The following ZNF599 variants were observed in gnomAD, a reference collection of about 807,000 sequenced individuals.
ZNF599 encodes zinc finger protein 599.
Under a neutral mutation model 11.7 loss-of-function variants are expected in ZNF599, and 10 were observed. The ratio of observed to expected loss-of-function variants is 0.86; its 90% confidence interval spans 0.53 to 1.45. ZNF599 has a LOEUF of 1.45. Ranked by LOEUF, ZNF599 falls within the 40% of genes most tolerant of loss-of-function variation. The probability of loss-of-function intolerance (pLI) is 0.00; values close to 1 mark genes in which losing one functional copy is unlikely to be tolerated. For missense variants in ZNF599, 688 were observed against 713.6 expected (o/e 0.96, Z 0.41); for synonymous variants, 232 against 253.2 (o/e 0.92, Z 0.79).
the ZNF599 span, among the ~76,000 whole-genome samples, chr19:34,778,944 CATGAGTCTTTACAGAAA>C: frequency 1.3e-5 from 2 of 152,170 alleles, no homozygotes; most frequent in Non-Finnish European, 2.9e-5. Flanking sequence ...TTTCCCAAAT[CATGAGTCTTTACAGAAA>C]TGTAAGATAC....
intron 3 of ZNF599, chr19:34,765,779 G>A: frequency 1.5e-6 from 1 of 670,794 alleles, no homozygotes. Flanking sequence ...GAACATGTGA[G>A]TGGATGCAGA....
chr19:34,759,877 T>C lies in ZNF599; in HGVS notation c.924A>G (p.Glu308=), dbSNP rs1298590164. The C allele has an allele frequency of 3.7e-6, 6 of 1,614,108 alleles. No individual in the cohort carries two copies. The highest frequency in any genetic ancestry group is 5.1e-6 in the Non-Finnish European group (6 of 1,180,002). Residue 308 remains glutamate (E), a synonymous_variant, in exon 4 of 4, where the codon GAA becomes GAG. Coordinates refer to ENST00000329285, the MANE Select transcript of ZNF599 (RefSeq NM_001007248.3). ...CACATTCTTTGCATAAAAAGGGTTT[T>C]TCTCGAGTGTGAGTCATATTATGCT... is the stretch of plus-strand genomic sequence containing the variant. ...FIQHNMTHTR[E]KPFLCKECGK... is the part of the protein sequence containing the mutation.
the ZNF599 span, among the ~76,000 whole-genome samples, chr19:34,780,182 G>T: frequency 1.3e-5 from 2 of 152,100 alleles, no homozygotes; most frequent in Non-Finnish European, 2.9e-5. Flanking sequence ...TGTGTTATTT[G>T]GTATCCAGCC....
rs1600154603 is a variant in ZNF599, at chr19:34,760,043, T to C, written c.758A>G (p.Lys253Arg). The change falls in exon 4 of 4, where the codon AAA becomes AGA. Residue 253 changes from lysine to arginine, a missense_variant. By Grantham distance (26) the Lys-to-Arg change is conservative (BLOSUM62 2). Transcript: ENST00000329285. ...IRHMRLHTGE[K>R]PYKCIECGKA... ...CCCACACTCAATACACTTGTATGGTTTTTCCCCAGTATGAAGCCTCATATG... is the reference window on the plus strand; with the variant it reads ...CCCACACTCAATACACTTGTATGGTCTTTCCCCAGTATGAAGCCTCATATG... 2 of 1,614,072 alleles carry C rather than the reference T, an allele frequency of 1.2e-6. No homozygotes were observed. Among genetic ancestry groups the C allele is most frequent in the East Asian group, 2.2e-5 (1 of 44,882 alleles).
rs536715534 is a variant in ZNF599 at position 34,767,934 on chromosome 19, A to G, written c.146-523T>C. Among the ~76,000 whole-genome samples, 8 of 152,328 alleles carry G rather than the reference A, an allele frequency of 5.3e-5. No individual in the cohort carries two copies. The East Asian group carries it at 1.4e-3, about 26-fold the overall frequency. On this transcript the variant is annotated intron_variant, in intron 2 of 3. Coordinates refer to ENST00000329285, the MANE Select transcript of ZNF599 (RefSeq NM_001007248.3). ...AGCACCTCAGGGCTTCTCATTAGGTAAAGTAAGAAATTATTTTCAGGGTGA... is the reference window on the plus strand; with the variant it reads ...AGCACCTCAGGGCTTCTCATTAGGTGAAGTAAGAAATTATTTTCAGGGTGA...
At chr19:34,807,568 C>G in the ZNF599 span, among the ~76,000 whole-genome samples, 3 of 152,230 alleles carry the variant, frequency 2.0e-5, no homozygotes, top group African/African-American at 7.2e-5. Flanking sequence ...AAAACAGCTG[C>G]AAGGCAGCCA....
the ZNF599 span, among the ~76,000 whole-genome samples, chr19:34,792,618 C>T: frequency 2.6e-5 from 4 of 152,148 alleles, no homozygotes; most frequent in Non-Finnish European, 5.9e-5. Flanking sequence ...AATCCCAGCA[C>T]TTTGGGAGGC....
At chr19:34,767,158 A>C in intron 3 of ZNF599, 158 bp downstream of exon 3, 1 of 601,270 alleles carries the variant, frequency 1.7e-6, no homozygotes, top group Non-Finnish European at 3.0e-6. Context: ...AAAGGCAAAG[A>C]GTGTGTGACA....
the ZNF599 span, among the ~76,000 whole-genome samples, chr19:34,785,826 T>G: frequency 6.6e-6 from 1 of 152,140 alleles, no homozygotes; most frequent in African/African-American, 2.4e-5. Flanking sequence ...GAACAATATT[T>G]CCCAGGGCCA....
In ZNF599 at chr19:34,772,366, C is replaced by T. The variant is rs2069188437; in HGVS notation, c.18+458G>A. The T allele has an allele frequency of 3.0e-6, 3 of 996,264 alleles. No homozygotes were observed. In the South Asian group the frequency reaches 1.4e-4, roughly 46 times the overall value. 61.7% of individuals were successfully genotyped at this position (996,264 alleles called of 1,614,324 possible). ...GCCCTCGAGGCTCTCATTCCCTCTCCCAGCTTTTGGTAGGGCCAGACTTCC... is the reference window on the plus strand; with the variant it reads ...GCCCTCGAGGCTCTCATTCCCTCTCTCAGCTTTTGGTAGGGCCAGACTTCC... On this transcript the variant is annotated intron_variant, in intron 1 of 3. Coordinates refer to ENST00000329285, the MANE Select transcript of ZNF599 (RefSeq NM_001007248.3).
the ZNF599 span, among the ~76,000 whole-genome samples, chr19:34,806,708 C>A: frequency 6.6e-6 from 1 of 152,106 alleles, no homozygotes; most frequent in African/African-American, 2.4e-5. Flanking sequence ...ATGCTAACAC[C>A]ATTTCCTGAA....
intron 3 of ZNF599, among the ~76,000 whole-genome samples, chr19:34,766,287 C>T (rs7257305): frequency 0.12 from 18,645 of 152,118 alleles, 1,244 homozygotes; most frequent in Middle Eastern, 0.21. Flanking sequence ...CAAAGGCAAT[C>T]ATCACCTTGA....
chr19:34,769,744 T>C (rs1055395254), intron 1 of ZNF599, among the ~76,000 whole-genome samples, 189 bp from the exon 2 acceptor site: 1 of 152,240 alleles, frequency 6.6e-6, no homozygotes, highest in South Asian at 2.1e-4. Flanking sequence ...AAGCCTCCTA[T>C]GTTGGAAACC....
chr19:34,790,280 C>T, the ZNF599 span, among the ~76,000 whole-genome samples: 1 of 152,320 alleles, frequency 6.6e-6, no homozygotes, highest in East Asian at 1.9e-4. Flanking sequence ...TGTACCCGCA[C>T]TGTCATGATC....
At position 34,760,493 on chromosome 19, in the gene ZNF599, G is replaced by A. The variant is rs753758437; in HGVS notation, c.308C>T (p.Ser103Phe). ...TCTCTGTGCCAGAAGTTCCTGGAAA[G>A]AGGATTCCTCAGAGAAGGCCAGCTG... is the stretch of plus-strand genomic sequence containing the variant. Reference protein sequence around the residue: ...ASQLAFSEESSFQELLAQRSS... With the variant: ...ASQLAFSEESFFQELLAQRSS... The change falls in exon 4 of 4, where the codon TCT becomes TTT. Residue 103 changes from serine to phenylalanine, a missense_variant. By Grantham distance (155) the Ser-to-Phe change is radical. Transcript: ENST00000329285. The A allele has an allele frequency of 6.2e-7, 1 of 1,614,048 alleles. No individual in the cohort carries two copies. Among genetic ancestry groups the A allele is most frequent in the African/African-American group, 1.3e-5 (1 of 74,932 alleles).
In ZNF599 at chr19:34,759,499, G is replaced by A. The variant is rs765833298; in HGVS notation, c.1302C>T (p.Asp434=). 1 of 1,614,090 alleles carries A rather than the reference G, an allele frequency of 6.2e-7. No individual in the cohort carries two copies. The highest frequency in any genetic ancestry group is 8.5e-7 in the Non-Finnish European group (1 of 1,180,024). The change falls in exon 4 of 4, where the codon GAC becomes GAT. Residue 434 remains aspartate, a synonymous_variant. Coordinates refer to ENST00000329285, the MANE Select transcript of ZNF599 (RefSeq NM_001007248.3). The part of the protein sequence containing the change: ...ECKECGKAFC[D]SSSLIQHMRI... ...TCATATGTTGAATTAAGGAAGAGCT[G>A]TCACAAAAGGCCTTCCCACATTCTT... is the stretch of plus-strand genomic sequence containing the variant.
At chr19:34,779,695 G>C in the ZNF599 span, 1 of 307,364 alleles carries the variant, frequency 3.3e-6, no homozygotes, top group Non-Finnish European at 6.4e-6. Context: ...GCTGTTGAAA[G>C]GGTTTAATTT....
At position 34,760,287 on chromosome 19, in the gene ZNF599, C is replaced by T. The variant is rs2069103935; in HGVS notation, c.514G>A (p.Val172Ile). 3.1e-6 allele frequency: 5 copies of T among 1,614,172 alleles called. No homozygotes were observed. The highest frequency in any genetic ancestry group is 4.2e-6 in the Non-Finnish European group (5 of 1,180,032). The stretch of plus-strand genomic sequence containing the variant: ...TCATGGAGAGCATCTTGTGGAGTGA[C>T]TCGTTCCTGTAAAACCCTTAAGCCC... ...SLGLRVLQER[V>I]TPQDALHECD... The change falls in exon 4 of 4, where the codon GTC becomes ATC. Residue 172 changes from valine (V) to isoleucine (I), a missense_variant. By Grantham distance (29) the Val-to-Ile change is conservative. Coordinates refer to ENST00000329285, the MANE Select transcript of ZNF599 (RefSeq NM_001007248.3).
At chr19:34,789,146 C>T in the ZNF599 span, among the ~76,000 whole-genome samples, 6 of 152,206 alleles carry the variant, frequency 3.9e-5, no homozygotes, top group African/African-American at 1.4e-4. Context: ...TTTTAGATTC[C>T]TTATATGAGA....
Sources: gnomAD v4.1 joint callset for allele counts (sites outside exome capture counted in the v4.1 genomes callset) on GRCh38, gnomAD v4.1.1 for gene constraint, MANE v1.5 for transcripts, NCBI Gene and HGNC (gene_info 2026-07-23, HGNC 2026-07-21) for gene names.